The following ZFHX3 variants were observed in gnomAD, a reference collection of about 807,000 sequenced individuals.
ZFHX3 encodes zinc finger homeobox protein 3.
ZFHX3 carries 42 observed loss-of-function variants against 279.1 expected under a neutral mutation model. The ratio of observed to expected loss-of-function variants is 0.15; its 90% CI spans 0.12 to 0.19. The LOEUF (loss-of-function observed/expected upper bound fraction) is 0.19, where lower values mean the gene tolerates loss of function less well. Among genes scored for constraint, ZFHX3 ranks in the 10% least tolerant of loss-of-function variants. ZFHX3 has a pLI of 1.00. For synonymous variants in ZFHX3, 2,293 were observed against 1,957.8 expected, an observed-to-expected ratio of 1.17 and a Z score of -4.52; for missense variants, 4,981 against 4,754.0, an observed-to-expected ratio of 1.05 and a Z score of -1.40.
intron 5 of ZFHX3, among the ~76,000 whole-genome samples, chr16:73,242,332 A>T (rs1286392156): frequency 6.6e-6 from 1 of 152,122 alleles, no homozygotes; most frequent in East Asian, 1.9e-4. Context: ...TCCTCCTTCT[A>T]CAACTATGAA....
chr16:72,800,069 G>A lies in ZFHX3; in HGVS notation c.3925C>T (p.Arg1309Ter), dbSNP rs529603227. 6.2e-7 allele frequency: 1 copy of A among 1,614,136 alleles called. No individual in the cohort carries two copies. Among genetic ancestry groups the A allele is most frequent in the African/African-American group, 1.3e-5 (1 of 75,032 alleles). ...TCTTCCAAATTGGAATTCCCATCTC[G>A]ATCTGGAACAGCTGCTGGGAGGAAC... ...SMFLPAAVPD[R>*]DGNSNLEEAG... Residue 1309 changes from arginine (R) to a stop codon, truncating the protein, a stop_gained, in exon 8 of 10, where the codon CGA becomes TGA. Transcript: ENST00000268489. LOFTEE classifies it high-confidence loss of function.
intron 3 of ZFHX3, among the ~76,000 whole-genome samples, chr16:73,445,559 C>T (rs185413958): frequency 6.6e-6 from 1 of 152,244 alleles, no homozygotes. Flanking sequence ...TTCCTGCCTC[C>T]CAGGCCTGCT....
In ZFHX3 at chr16:72,787,452, A is replaced by AG; in HGVS notation, c.10823dup (p.Ser3609PhefsTer57). 7.9e-7 allele frequency: 1 copy of AG among 1,268,752 alleles called. No homozygotes were observed. 78.6% of individuals were successfully genotyped at this position (1,268,752 alleles called of 1,614,324 possible). A position where few individuals can be genotyped will look rare whatever the true frequency, so the allele number is the denominator to read the frequency against. On this transcript the variant is annotated frameshift_variant, in exon 10 of 10. Transcript: ENST00000268489. LOFTEE classifies it high-confidence loss of function. ...AAGACTTCCTGGAGGCGTGGGGGGA[A>AG]GCGGAGGAGGGGGCGGCGGCCGACG...
chr16:73,845,010 G>A (rs1961411295), intron 1 of ZFHX3, among the ~76,000 whole-genome samples: 1 of 152,160 alleles, frequency 6.6e-6, no homozygotes, highest in South Asian at 2.1e-4. Flanking sequence ...CCCAAAATGA[G>A]GGCTAAAGAA....
intron 1 of ZFHX3, among the ~76,000 whole-genome samples, chr16:73,726,539 A>G (rs1268232043): frequency 6.6e-6 from 1 of 152,112 alleles, no homozygotes; most frequent in East Asian, 1.9e-4. Context: ...AATACCTGAG[A>G]ATGAGTAATT....
At chr16:73,096,301 G>A (rs1411175669) in intron 7 of ZFHX3, among the ~76,000 whole-genome samples, 1 of 151,680 alleles carries the variant, frequency 6.6e-6, no homozygotes, top group Non-Finnish European at 1.5e-5. Flanking sequence ...TGGGAGCTCA[G>A]GGGATCTCCC....
At chr16:73,173,007 TGTTTTTTTTTTTTTTTTTTG>T (rs1967575365) in intron 5 of ZFHX3, among the ~76,000 whole-genome samples, 1 of 50,632 alleles carries the variant, frequency 2.0e-5, no homozygotes, top group Non-Finnish European at 3.7e-5. Flanking sequence ...TTTTTTTTTT[TGTTTTTTTTTTTTTTTTTTG>T]GGAGGGGAAA....
At chr16:73,518,793 A>G (rs1309099959) in intron 2 of ZFHX3, among the ~76,000 whole-genome samples, 1 of 152,204 alleles carries the variant, frequency 6.6e-6, no homozygotes, top group Non-Finnish European at 1.5e-5. Context: ...GAGTCCAACA[A>G]AGTCTTCGAA....
rs1267652554 is a variant in ZFHX3, at chr16:73,127,412, C to G, written c.-897+3556G>C. On this transcript the variant is annotated intron_variant, in intron 7 of 17. Transcript: ENST00000641206. The stretch of plus-strand genomic sequence containing the variant: ...AATATTTTTGGGGCCAGAGCCTTCC[C>G]AGGTAGTAGCTGGAGCATCTCTGTT... The G allele has an allele frequency of 6.9e-6, 9 of 1,305,414 alleles. No homozygotes were observed. In the Middle Eastern group the frequency reaches 6.4e-4, roughly 93 times the overall value. The allele number at this position is 1,305,414 out of a possible 1,614,324, so 80.9% of individuals were successfully genotyped here.
chr16:73,371,301 C>T (rs1329937382), intron 3 of ZFHX3, among the ~76,000 whole-genome samples: 2 of 151,742 alleles, frequency 1.3e-5, no homozygotes, highest in African/African-American at 4.8e-5. Context: ...AGCGAGACTC[C>T]ATCTCAAAAC....
At chr16:73,253,515 G>T (rs1465569584) in intron 5 of ZFHX3, among the ~76,000 whole-genome samples, 1 of 148,610 alleles carries the variant, frequency 6.7e-6, no homozygotes, top group African/African-American at 2.5e-5. Flanking sequence ...GCAGTGGCAT[G>T]ATCTCGGCTC....
chr16:73,253,270 C>G (rs559736836), intron 5 of ZFHX3, among the ~76,000 whole-genome samples: 104 of 152,188 alleles, frequency 6.8e-4, no homozygotes, highest in Admixed American at 1.6e-3. Context: ...GGGAAGGCTA[C>G]GTCCAGAAAA....
At chr16:72,999,320 G>A (rs1054114550) in intron 1 of ZFHX3, among the ~76,000 whole-genome samples, 2 of 152,132 alleles carry the variant, frequency 1.3e-5, no homozygotes, top group African/African-American at 2.4e-5. Context: ...GCCACACCCG[G>A]CTAATTTTTG....
At chr16:73,767,867 C>G (rs1332570077) in intron 1 of ZFHX3, among the ~76,000 whole-genome samples, 1 of 152,128 alleles carries the variant, frequency 6.6e-6, no homozygotes, top group African/African-American at 2.4e-5. Context: ...AGATGGCACT[C>G]TCAAAATGAT....
chr16:73,534,602 A>T (rs1346233620), intron 2 of ZFHX3, among the ~76,000 whole-genome samples: 1 of 152,230 alleles, frequency 6.6e-6, no homozygotes, highest in Non-Finnish European at 1.5e-5. Context: ...GGTACTTGAT[A>T]AATACTTGCT....
chr16:72,966,112 G>A (rs911475587), intron 1 of ZFHX3, among the ~76,000 whole-genome samples: 6 of 152,020 alleles, frequency 3.9e-5, no homozygotes, highest in Admixed American at 2.0e-4. Flanking sequence ...CGTGTGTCTC[G>A]GGACACGCCA....
chr16:73,086,824 G>A (rs1183964969), intron 8 of ZFHX3, among the ~76,000 whole-genome samples: 1 of 152,106 alleles, frequency 6.6e-6, no homozygotes, highest in African/African-American at 2.4e-5. Flanking sequence ...GATTGTTTGA[G>A]TCCAGGAGGT....
At chr16:73,654,499 T>C (rs1241061106) in intron 2 of ZFHX3, among the ~76,000 whole-genome samples, 1 of 152,114 alleles carries the variant, frequency 6.6e-6, no homozygotes, top group Non-Finnish European at 1.5e-5. Flanking sequence ...CAACCCCTAA[T>C]GATGACATAC....
chr16:72,849,860 C>CAAAAAAAAAAAAA (rs542156633), intron 4 of ZFHX3, among the ~76,000 whole-genome samples: 2 of 56,564 alleles, frequency 3.5e-5, no homozygotes, highest in African/African-American at 7.9e-5. Context: ...GTTCACCTAC[C>CAAAAAAAAAAAAA]AAAAAAAAAA....
Sources: allele counts gnomAD v4.1 joint callset (sites outside exome capture counted in the v4.1 genomes callset), GRCh38; gene constraint gnomAD v4.1.1; transcripts MANE v1.5; gene names NCBI Gene and HGNC (gene_info 2026-07-23, HGNC 2026-07-21).